LIMS1: variants seen among roughly 807,000 people sequenced by gnomAD.
The protein encoded by LIMS1 is LIM zinc finger domain containing 1, also known as LIM and senescent cell antigen-like-containing domain protein 1.
A neutral mutation model predicts 44.1 loss-of-function variants in LIMS1; 18 were observed. The observed-to-expected ratio is 0.41, with a 90% CI of 0.28 to 0.61. LIMS1 has a LOEUF of 0.61. LIMS1 is among the 20% of genes least tolerant of loss of function. LIMS1 has a pLI of 0.32. For synonymous variants in LIMS1, 93 were observed against 149.1 expected (o/e 0.62, Z 2.74); for missense variants, 201 against 422.0 (o/e 0.48, Z 4.59).
At chr2:108,551,491 G>GCA (rs67589132) in intron 1 of LIMS1, among the ~76,000 whole-genome samples, 8,730 of 114,618 alleles carry the variant, frequency 0.076, 342 homozygotes, top group African/African-American at 0.1. Context: ...GCGCGCGCGC[G>GCA]CACACACACA....
rs1241537213 is a variant in LIMS1, at chr2:108,653,959, T to G, written c.33-5646T>G. The stretch of plus-strand genomic sequence containing the variant: ...TGTCTGGCTCAGTGAACCTACATTT[T>G]TACGTGAACAATAGGGCAGAGGAAG... On this transcript the variant is annotated intron_variant, in intron 1 of 9. Coordinates refer to ENST00000544547, the Ensembl canonical transcript of LIMS1. Among the ~76,000 whole-genome samples, 13 of 144,596 alleles carry G rather than the reference T, an allele frequency of 9.0e-5. No homozygotes were observed. The South Asian group carries it at 9.6e-4, about 11-fold the overall frequency. The allele number at this position is 144,596 out of a possible 152,430, so 94.9% of individuals were successfully genotyped here.
chr2:108,646,815 C>T (rs184853393), intron 1 of LIMS1, among the ~76,000 whole-genome samples: 1 of 152,314 alleles, frequency 6.6e-6, no homozygotes, highest in Non-Finnish European at 1.5e-5. Flanking sequence ...ATGCCATTCT[C>T]CTGCCTCAGC....
intron 1 of LIMS1, among the ~76,000 whole-genome samples, chr2:108,610,798 T>C (rs1167939903): frequency 6.6e-6 from 1 of 152,244 alleles, no homozygotes; most frequent in Admixed American, 6.5e-5. Context: ...CTCCAGTCAT[T>C]GACAGAGATA....
chr2:108,552,072 A>G (rs1189089349), intron 1 of LIMS1, among the ~76,000 whole-genome samples: 1 of 145,286 alleles, frequency 6.9e-6, no homozygotes, highest in East Asian at 2.0e-4. Flanking sequence ...ATGTGTGTGT[A>G]TGTGTGTATA....
At chr2:108,680,595 GAC>G in intron 8 of LIMS1, 98 bp from the exon 9 acceptor site, 1 of 1,322,182 alleles carries the variant, frequency 7.6e-7, no homozygotes, top group Non-Finnish European at 1.1e-6. Flanking sequence ...AAGTGCCACA[GAC>G]ACAGTCGTAG....
chr2:108,589,921 T>C (rs1322363003), intron 1 of LIMS1, among the ~76,000 whole-genome samples: 1 of 152,250 alleles, frequency 6.6e-6, no homozygotes, highest in Non-Finnish European at 1.5e-5. Flanking sequence ...TTCAGCCTTC[T>C]TGACCTGTCC....
At chr2:108,644,694 A>G (rs920573651) in intron 1 of LIMS1, among the ~76,000 whole-genome samples, 2 of 151,942 alleles carry the variant, frequency 1.3e-5, no homozygotes, top group Admixed American at 1.3e-4. Context: ...GTAATAACAA[A>G]CTCCTCCGAG....
chr2:108,566,813 T>C (rs1685307390), intron 1 of LIMS1, among the ~76,000 whole-genome samples: 3 of 152,136 alleles, frequency 2.0e-5, no homozygotes, highest in Admixed American at 2.0e-4. Context: ...GCCAGGCTGG[T>C]CTCAAACTCC....
chr2:108,548,496 A>C (rs976885308), intron 1 of LIMS1, among the ~76,000 whole-genome samples: 1 of 152,220 alleles, frequency 6.6e-6, no homozygotes, highest in African/African-American at 2.4e-5. Context: ...TGAGTTTTCC[A>C]GTATTCGTCA....
chr2:108,607,286 C>G, intron 1 of LIMS1: 2 of 1,547,034 alleles, frequency 1.3e-6, no homozygotes, highest in Non-Finnish European at 8.7e-7. Flanking sequence ...TTGAGCTGTT[C>G]CCCCTCCAAA....
intron 1 of LIMS1, among the ~76,000 whole-genome samples, chr2:108,535,935 T>A (rs1402503272): frequency 6.6e-6 from 1 of 152,168 alleles, no homozygotes; most frequent in African/African-American, 2.4e-5. Context: ...CGCCTGCCAT[T>A]TGGTCACAAG....
intron 2 of LIMS1, among the ~76,000 whole-genome samples, chr2:108,664,472 A>G (rs568081505): frequency 2.0e-5 from 3 of 152,338 alleles, no homozygotes; most frequent in Non-Finnish European, 2.9e-5. Flanking sequence ...CATTTTGTTT[A>G]TAAACAATTT....
chr2:108,683,161 CCTTT>C (rs1472437250), intron 9 of LIMS1, among the ~76,000 whole-genome samples: 1 of 152,170 alleles, frequency 6.6e-6, no homozygotes, highest in African/African-American at 2.4e-5. Context: ...TTTCTTCCAA[CCTTT>C]CTGTCAGATA....
chr2:108,675,932 A>G (rs572263213), exon 6 of LIMS1: 6 of 1,613,988 alleles, frequency 3.7e-6, no homozygotes, highest in African/African-American at 2.7e-5. Flanking sequence ...ACTGCCTCCC[A>G]TGCCATGATA....
chr2:108,534,443 T>A, exon 1 of LIMS1: 1 of 783,554 alleles, frequency 1.3e-6, no homozygotes, highest in Non-Finnish European at 1.7e-6. Context: ...CCCCTGGCCT[T>A]CCTCCCCTTC....
At chr2:108,567,183 G>T (rs1685320770) in intron 1 of LIMS1, among the ~76,000 whole-genome samples, 1 of 152,156 alleles carries the variant, frequency 6.6e-6, no homozygotes, top group Admixed American at 6.5e-5. Flanking sequence ...TCTGTGTGGG[G>T]TTTACGTGTT....
intron 1 of LIMS1, among the ~76,000 whole-genome samples, chr2:108,558,713 C>T (rs1685012537): frequency 6.6e-6 from 1 of 151,232 alleles, no homozygotes; most frequent in Non-Finnish European, 1.5e-5. Context: ...CTCTGTCACC[C>T]AGGCTGGAAT....
intron 1 of LIMS1, among the ~76,000 whole-genome samples, chr2:108,552,845 T>C (rs1684805905): frequency 6.6e-6 from 1 of 152,100 alleles, no homozygotes; most frequent in Non-Finnish European, 1.5e-5. Flanking sequence ...CCCAAAGTGC[T>C]GGAATTACAG....
At chr2:108,560,431 C>A (rs1473479300) in intron 1 of LIMS1, among the ~76,000 whole-genome samples, 5 of 152,028 alleles carry the variant, frequency 3.3e-5, no homozygotes, top group Non-Finnish European at 5.9e-5. Flanking sequence ...CTCATTCATT[C>A]CCCTTTATCC....
Sources: gnomAD v4.1 joint callset for allele counts (sites outside exome capture counted in the v4.1 genomes callset) on GRCh38, gnomAD v4.1.1 for gene constraint, MANE v1.5 for transcripts, NCBI Gene and HGNC (gene_info 2026-07-23, HGNC 2026-07-21) for gene names.